DENND2C: variants seen among roughly 807,000 people sequenced by gnomAD.
DENND2C encodes the protein DENN domain-containing protein 2C.
In DENND2C, 72 loss-of-function variants were observed where a neutral mutation model predicts 112.4. The ratio of observed to expected loss-of-function variants is 0.64; its 90% CI spans 0.53 to 0.78. The LOEUF is 0.78. DENND2C is among the 30% of genes least tolerant of loss of function. The probability of loss-of-function intolerance (pLI) is 0.00; values close to 1 mark genes in which losing one functional copy is unlikely to be tolerated. For synonymous variants in DENND2C, 329 were observed against 381.6 expected (o/e 0.86, Z 1.61); for missense variants, 992 against 1,113.8 (o/e 0.89, Z 1.56).
intron 7 of DENND2C, 50 bp downstream of exon 7, chr1:114,621,845 A>G (rs1051299144): frequency 1.6e-4 from 240 of 1,544,902 alleles, no homozygotes; most frequent in Non-Finnish European, 2.0e-4. Context: ...ATTCTCATTC[A>G]TGGAAATGCT....
In DENND2C at chr1:114,600,251, G is replaced by C; in HGVS notation, c.2058C>G (p.Ala686=). Residue 686 remains alanine (A), a synonymous_variant, in exon 15 of 21, where the codon GCC becomes GCG. Transcript: ENST00000393274. ...LSVCHLIRVC[A]SLLLERRVIF... Reference sequence around the variant, plus strand: ...TTACCCTACGCTCCAAAAGGAGAGAGGCACAGACCCGGATGAGATGACACA... The same window carrying C: ...TTACCCTACGCTCCAAAAGGAGAGACGCACAGACCCGGATGAGATGACACA... 1 of 1,614,034 alleles carries C rather than the reference G, an allele frequency of 6.2e-7. No individual in the cohort carries two copies. Among genetic ancestry groups the C allele is most frequent in the East Asian group, 2.2e-5 (1 of 44,872 alleles).
intron 20 of DENND2C, 41 bp downstream of exon 20, chr1:114,587,346 C>T (rs1267973679): frequency 3.7e-6 from 6 of 1,610,834 alleles, no homozygotes; most frequent in Non-Finnish European, 5.1e-6. Context: ...CGCGCCTGGT[C>T]TTCAGCCACA....
At chr1:114,661,102 G>A (rs1369766538) in intron 1 of DENND2C, among the ~76,000 whole-genome samples, 1 of 88,280 alleles carries the variant, frequency 1.1e-5, no homozygotes, top group African/African-American at 6.0e-5. Context: ...GCGAGACTCC[G>A]TCTCAAAAAA....
intron 9 of DENND2C, 65 bp downstream of exon 9, chr1:114,611,008 T>C: frequency 3.2e-6 from 5 of 1,576,352 alleles, no homozygotes; most frequent in East Asian, 4.5e-5. Context: ...GTCACAAAGG[T>C]AGGTGCCACT....
At chr1:114,632,130 AAAAC>A (rs993164299) in intron 3 of DENND2C, among the ~76,000 whole-genome samples, 1 of 152,224 alleles carries the variant, frequency 6.6e-6, no homozygotes, top group Non-Finnish European at 1.5e-5. Flanking sequence ...AAAAAAAGCT[AAAAC>A]AAAGATGAAA....
chr1:114,646,529 A>G (rs1433449326), intron 2 of DENND2C, among the ~76,000 whole-genome samples: 1 of 152,204 alleles, frequency 6.6e-6, no homozygotes. Flanking sequence ...TTGGACACAT[A>G]TGAACTGCTC....
intron 8 of DENND2C, among the ~76,000 whole-genome samples, chr1:114,612,907 C>T (rs993488684): frequency 2.6e-5 from 4 of 152,020 alleles, no homozygotes; most frequent in East Asian, 1.9e-4. Flanking sequence ...GTGATCCACC[C>T]GCCTCAGCCT....
At position 114,618,451 on chromosome 1, in the gene DENND2C, G is replaced by T. The variant is rs763869067; in HGVS notation, c.1259C>A (p.Ser420Tyr). The stretch of plus-strand genomic sequence containing the variant: ...CTTTACCTTCTTCTTCCCTCTTTTA[G>T]ATTCAAATATGTCATCTATTTTCAA... ...LVLKIDDIFE[S>Y]KRGKKKVKLH... Residue 420 changes from serine (S) to tyrosine (Y), a missense_variant, in exon 8 of 21, where the codon TCT becomes TAT. Physicochemically the swap from Ser to Tyr is moderately radical, Grantham distance 144 (BLOSUM62 -2). This residue lies in a region of DENND2C where 516 missense variants were observed against 623.6 expected (regional missense o/e 0.83). Transcript: ENST00000393274. 2.5e-6 allele frequency: 4 copies of T among 1,591,552 alleles called. No homozygotes were observed. The highest frequency in any genetic ancestry group is 3.6e-5 in the Admixed American group (2 of 54,978).
chr1:114,658,975 C>T (rs2101696534), intron 1 of DENND2C, among the ~76,000 whole-genome samples: 1 of 152,220 alleles, frequency 6.6e-6, no homozygotes, highest in Non-Finnish European at 1.5e-5. Context: ...TTTTGGAGTG[C>T]ACATTAAACT....
intron 17 of DENND2C, 72 bp from the exon 18 acceptor site, chr1:114,594,650 G>A: frequency 1.6e-6 from 2 of 1,286,690 alleles, no homozygotes; most frequent in South Asian, 1.3e-5. Flanking sequence ...ATATGCCCTA[G>A]TTATTTCTCC....
At chr1:114,628,974 C>T (rs1377371318) in intron 3 of DENND2C, among the ~76,000 whole-genome samples, 2 of 152,238 alleles carry the variant, frequency 1.3e-5, no homozygotes, top group African/African-American at 2.4e-5. Flanking sequence ...CTAAAGCCAA[C>T]TTATTTGTAT....
chr1:114,623,445 C>A, intron 5 of DENND2C, 62 bp downstream of exon 5: 1 of 1,508,728 alleles, frequency 6.6e-7, no homozygotes, highest in South Asian at 1.2e-5. Context: ...TACCATCCTA[C>A]AATTAAGGGC....
At chr1:114,586,447 G>T (rs2101636504) in intron 20 of DENND2C, among the ~76,000 whole-genome samples, 1 of 152,226 alleles carries the variant, frequency 6.6e-6, no homozygotes, top group East Asian at 1.9e-4. Context: ...TAATAATGAT[G>T]ATATGCAAAC....
chr1:114,638,654 T>C (rs1345542189), intron 3 of DENND2C, among the ~76,000 whole-genome samples: 8 of 151,030 alleles, frequency 5.3e-5, no homozygotes, highest in Admixed American at 1.3e-4. Flanking sequence ...TCCCAGCTAC[T>C]TGGGAGGCTG....
At chr1:114,615,680 A>G (rs1655945250) in intron 8 of DENND2C, among the ~76,000 whole-genome samples, 1 of 152,264 alleles carries the variant, frequency 6.6e-6, no homozygotes. Flanking sequence ...GATTTTAATC[A>G]GTACATAGCA....
intron 3 of DENND2C, among the ~76,000 whole-genome samples, chr1:114,642,804 G>A (rs1325279919): frequency 6.6e-6 from 1 of 152,160 alleles, no homozygotes; most frequent in African/African-American, 2.4e-5. Flanking sequence ...TAAATAAAAT[G>A]TTTAAGACAG....
intron 18 of DENND2C, among the ~76,000 whole-genome samples, chr1:114,589,180 T>TA (rs1458213923): frequency 3.3e-5 from 5 of 152,156 alleles, no homozygotes; most frequent in African/African-American, 1.2e-4. Flanking sequence ...AGATTCGACT[T>TA]ACACTCCCTC....
intron 3 of DENND2C, among the ~76,000 whole-genome samples, chr1:114,633,457 A>G (rs1169384382): frequency 1.2e-4 from 17 of 146,540 alleles, no homozygotes; most frequent in South Asian, 6.3e-4. Context: ...AAAAAAAAAA[A>G]AAAAAGAAAA....
At chr1:114,633,502 AAGG>A (rs1042862224) in intron 3 of DENND2C, among the ~76,000 whole-genome samples, 1 of 150,654 alleles carries the variant, frequency 6.6e-6, no homozygotes, top group Non-Finnish European at 1.5e-5. Context: ...GGAAGGAAGG[AAGG>A]AAAAAGAAAT....
Sources: allele counts gnomAD v4.1 joint callset (sites outside exome capture counted in the v4.1 genomes callset), GRCh38; gene constraint gnomAD v4.1.1; regional missense constraint gnomAD v4.1.1; transcripts MANE v1.5; gene names NCBI Gene and HGNC (gene_info 2026-07-23, HGNC 2026-07-21).